Variants in LRRFIP1 observed in about 807,000 individuals in gnomAD.
LRRFIP1 encodes the protein LRR binding FLII interacting protein 1, also known as leucine-rich repeat flightless-interacting protein 1.
A neutral mutation model predicts 104.4 loss-of-function variants in LRRFIP1; 62 were observed. That is an observed-to-expected ratio of 0.59 (90% confidence interval 0.48 to 0.73). The LOEUF is 0.73. Ranked by LOEUF, LRRFIP1 falls within the 30% of genes least tolerant of loss-of-function variation. The probability of loss-of-function intolerance (pLI) is 0.00; values close to 1 mark genes in which losing one functional copy is unlikely to be tolerated. For missense variants in LRRFIP1, 796 were observed against 824.5 expected (o/e 0.97, Z 0.42); for synonymous variants, 300 against 299.0 (o/e 1.00, Z -0.03).
Position 237,649,966 on chromosome 2 carries a change from T to C in LRRFIP1, c.96+22226T>C, listed in dbSNP as rs1030621995. 3.3e-5 allele frequency among the ~76,000 whole-genome samples: 5 copies of C among 152,106 alleles called. No homozygotes were observed. The highest frequency in any genetic ancestry group is 6.5e-5 in the Admixed American group (1 of 15,280). On this transcript the variant is annotated intron_variant, in intron 1 of 23. Transcript: ENST00000308482. This position sits in a 1 kb window ranked among gnomAD's most constrained non-coding sequence, Gnocchi z 4.1. ...TCCATCCATCCACTGGGCAGATTTT[T>C]ACTTAGCACATTCCCTGTGCTGGGG...
chr2:237,737,636 G>A (rs1035025295), intron 10 of LRRFIP1, among the ~76,000 whole-genome samples: 8 of 152,168 alleles, frequency 5.3e-5, no homozygotes, highest in Admixed American at 2.0e-4. Context: ...TTTGCTGCAG[G>A]ATGAAGTTTT....
In LRRFIP1 at chr2:237,755,527, G is replaced by A. The variant is rs142663019; in HGVS notation, c.1039-568G>A. 1.9e-3 allele frequency among the ~76,000 whole-genome samples: 293 copies of A among 152,306 alleles called. 3 individuals carry two copies. The highest frequency in any genetic ancestry group is 6.5e-3 in the African/African-American group (269 of 41,554). On this transcript the variant is annotated intron_variant, in intron 15 of 23. Coordinates refer to ENST00000308482, the MANE Select transcript of LRRFIP1 (RefSeq NM_001137550.2). ...GCCCTTCGTCGGCTCTTGCTTCACT[G>A]TAGATAAGAAATCAGAAAATCCTTG...
chr2:237,678,714 G>T (rs2091461666), intron 1 of LRRFIP1, among the ~76,000 whole-genome samples: 1 of 151,874 alleles, frequency 6.6e-6, no homozygotes, highest in Non-Finnish European at 1.5e-5. Flanking sequence ...CACCATGCTG[G>T]CCAGGCTGGT....
At chr2:237,761,629 C>T (rs1389253266) in intron 19 of LRRFIP1, among the ~76,000 whole-genome samples, 4 of 152,190 alleles carry the variant, frequency 2.6e-5, no homozygotes, top group African/African-American at 4.8e-5. Flanking sequence ...TTTAAATCTA[C>T]ATATGTATAC....
intron 2 of LRRFIP1, among the ~76,000 whole-genome samples, chr2:237,710,846 A>G (rs535159954): frequency 1.9e-4 from 29 of 152,326 alleles, no homozygotes; most frequent in African/African-American, 7.0e-4. Flanking sequence ...TTTAAGAACC[A>G]TCTGTTGCTG....
intron 1 of LRRFIP1, among the ~76,000 whole-genome samples, chr2:237,641,766 A>C (rs886211591): frequency 6.6e-6 from 1 of 152,254 alleles, no homozygotes; most frequent in African/African-American, 2.4e-5. Flanking sequence ...AAATATGTTA[A>C]AGTATACCAG....
rs1206350447 is a variant in LRRFIP1 at position 237,748,352 on chromosome 2, T to G, written c.634-12T>G. 6.2e-7 allele frequency: 1 copy of G among 1,600,986 alleles called. No individual in the cohort carries two copies. The highest frequency in any genetic ancestry group is 8.5e-7 in the Non-Finnish European group (1 of 1,170,264). On this transcript the variant is annotated splice_polypyrimidine_tract_variant and intron_variant, in intron 11 of 23. Coordinates refer to ENST00000308482, the MANE Select transcript of LRRFIP1 (RefSeq NM_001137550.2). ...TTAAAGTATTTAATATTTTGTCTGTTTTCGTCTACAGGTAGAAGAGAGACC... is the reference window on the plus strand; with the variant it reads ...TTAAAGTATTTAATATTTTGTCTGTGTTCGTCTACAGGTAGAAGAGAGACC...
chr2:237,628,969 G>A (rs2081971386), intron 1 of LRRFIP1, among the ~76,000 whole-genome samples: 1 of 152,188 alleles, frequency 6.6e-6, no homozygotes, highest in South Asian at 2.1e-4. Context: ...GTGACCTCCA[G>A]GAGACCTTCC....
rs781456038 is a variant in LRRFIP1, at chr2:237,749,304, G to A, written c.775G>A (p.Ala259Thr). The change falls in exon 13 of 24, where the codon GCA becomes ACA. Residue 259 changes from alanine (A) to threonine (T), a missense_variant. Coordinates refer to ENST00000308482, the MANE Select transcript of LRRFIP1 (RefSeq NM_001137550.2). ...GDTSISIDTE[A>T]SIREIKELNE... is the part of the protein sequence containing the mutation. The stretch of plus-strand genomic sequence containing the variant: ...CACCTCCATCTCCATCGACACCGAG[G>A]CATCCATCAGGGAAATCAAGGTGAG... 3.1e-6 allele frequency: 5 copies of A among 1,613,634 alleles called. No individual in the cohort carries two copies. Among genetic ancestry groups the A allele is most frequent in the Middle Eastern group, 1.7e-4 (1 of 6,046 alleles).
intron 14 of LRRFIP1, among the ~76,000 whole-genome samples, chr2:237,752,739 C>T (rs922749875): frequency 1.3e-5 from 2 of 152,244 alleles, no homozygotes; most frequent in Non-Finnish European, 2.9e-5. Flanking sequence ...TGACCTTTGT[C>T]TTTCCAGGAC....
chr2:237,745,023 A>G (rs574660719), intron 11 of LRRFIP1, among the ~76,000 whole-genome samples: 2 of 152,316 alleles, frequency 1.3e-5, no homozygotes, highest in East Asian at 3.9e-4. Context: ...CTTGTCTTCC[A>G]TTTCTTCATC....
intron 1 of LRRFIP1, among the ~76,000 whole-genome samples, chr2:237,680,670 G>T (rs1030213957): frequency 3.3e-5 from 5 of 152,206 alleles, no homozygotes; most frequent in Non-Finnish European, 7.3e-5. Flanking sequence ...TAGAGGGGAA[G>T]GTTGGTTGAA....
chr2:237,699,943 T>C (rs1247717394), intron 1 of LRRFIP1, among the ~76,000 whole-genome samples: 6 of 152,194 alleles, frequency 3.9e-5, no homozygotes, highest in Non-Finnish European at 7.3e-5. Context: ...GGGGACTTCG[T>C]GAGATTGCCC....
chr2:237,772,310 C>A, intron 21 of LRRFIP1, 112 bp downstream of exon 21: 1 of 729,058 alleles, frequency 1.4e-6, no homozygotes, highest in Non-Finnish European at 2.3e-6. Context: ...CCCTCACATC[C>A]CCACAAAAGC....
At position 237,643,966 on chromosome 2, in the gene LRRFIP1, C is replaced by T. The variant is rs1003021913; in HGVS notation, c.96+16226C>T. On this transcript the variant is annotated intron_variant, in intron 1 of 23. Coordinates refer to ENST00000308482, the MANE Select transcript of LRRFIP1 (RefSeq NM_001137550.2). ...GGCCAGGGTGGTTTGCGACCTTACC[C>T]CTCCTTCATGTAATAAGATATAGAG... is the stretch of plus-strand genomic sequence containing the variant. 9.2e-5 allele frequency among the ~76,000 whole-genome samples: 14 copies of T among 152,132 alleles called. 1 individual carries two copies. The highest frequency in any genetic ancestry group is 3.4e-4 in the African/African-American group (14 of 41,414).
In LRRFIP1 at chr2:237,735,613, T is replaced by TG. The variant is rs1366545357; in HGVS notation, c.555+281dup. 3.8e-5 allele frequency: 14 copies of TG among 372,552 alleles called. No individual in the cohort carries two copies. Among genetic ancestry groups the TG allele is most frequent in the Non-Finnish European group, 6.3e-5 (13 of 206,408 alleles). The allele number at this position is 372,552 out of a possible 1,614,324, so 23.1% of individuals were successfully genotyped here. A position where few individuals can be genotyped will look rare whatever the true frequency, so the allele number is the denominator to read the frequency against. On this transcript the variant is annotated intron_variant, in intron 10 of 23. Transcript: ENST00000308482. This position sits in a 1 kb window ranked among gnomAD's most constrained non-coding sequence, Gnocchi z 4.6. ...GCACGCCAACCATACTAACAGGTGG[T>TG]GAAACCGTCTTCGGTTAATAAAAAC... is the stretch of plus-strand genomic sequence containing the variant.
At chr2:237,663,490 A>C (rs2047168) in intron 1 of LRRFIP1, among the ~76,000 whole-genome samples, 136,118 of 152,256 alleles carry the variant, frequency 0.89, 61,144 homozygotes, top group East Asian at 0.98. Context: ...TTCTATGAAC[A>C]AGAAAGGGGG....
chr2:237,692,133 C>T, intron 1 of LRRFIP1: 2 of 864,378 alleles, frequency 2.3e-6, no homozygotes, highest in African/African-American at 3.1e-5. Context: ...AGGGCCCCTC[C>T]GAGGCGGAAC....
intron 4 of LRRFIP1, among the ~76,000 whole-genome samples, chr2:237,719,017 C>G (rs193070372): frequency 6.6e-6 from 1 of 152,032 alleles, no homozygotes; most frequent in Admixed American, 6.5e-5. Flanking sequence ...AGAAAAAATG[C>G]TAATTATAAC....
Sources: allele counts gnomAD v4.1 joint callset (sites outside exome capture counted in the v4.1 genomes callset), GRCh38; gene constraint gnomAD v4.1.1; non-coding constraint Gnocchi (gnomAD v3.1); transcripts MANE v1.5; gene names NCBI Gene and HGNC (gene_info 2026-07-23, HGNC 2026-07-21).